PALS2: variants seen among roughly 807,000 people sequenced by gnomAD.
The protein encoded by PALS2 is protein PALS2.
A neutral mutation model predicts 61.6 loss-of-function variants in PALS2; 27 were observed. The observed-to-expected ratio is 0.44, with a 90% CI of 0.32 to 0.60. PALS2 has a LOEUF of 0.60. Among genes scored for constraint, PALS2 ranks in the 20% least tolerant of loss-of-function variants. The pLI, the probability that PALS2 is intolerant of heterozygous loss-of-function variation, is 0.05. For missense variants in PALS2, 554 were observed against 639.4 expected, an observed-to-expected ratio of 0.87 and a Z score of 1.44; for synonymous variants, 236 against 218.6, an observed-to-expected ratio of 1.08 and a Z score of -0.70.
chr7:24,602,633 C>G (rs1783760985), intron 1 of PALS2, among the ~76,000 whole-genome samples: 1 of 152,062 alleles, frequency 6.6e-6, no homozygotes, highest in Admixed American at 6.6e-5. Flanking sequence ...ATAATCCTGT[C>G]TTCTATATTA....
Position 24,623,712 on chromosome 7 carries a change from T to C in PALS2, c.45T>C (p.Thr15=), listed in dbSNP as rs1236131621. ...LENLTELPSS[T]GAEEIDLIFL... is the part of the protein sequence containing the mutation. ...ACCTTACGGAGCTGCCCTCGTCTAC[T>C]GGAGCAGAAGAAATAGACCTAATTT... The change falls in exon 2 of 12, where the codon ACT becomes ACC. Residue 15 remains threonine, a synonymous_variant. Transcript: ENST00000222644. The C allele has an allele frequency of 6.8e-6, 11 of 1,609,096 alleles. No homozygotes were observed. Among genetic ancestry groups the C allele is most frequent in the Non-Finnish European group, 7.6e-6 (9 of 1,178,074 alleles).
At chr7:24,602,415 A>T (rs1264304084) in intron 1 of PALS2, among the ~76,000 whole-genome samples, 1 of 152,114 alleles carries the variant, frequency 6.6e-6, no homozygotes, top group East Asian at 1.9e-4. Flanking sequence ...TGATGCTCTG[A>T]TTTCATGTTG....
intron 9 of PALS2, 127 bp downstream of exon 9, chr7:24,668,787 G>A (rs1211690631): frequency 7.2e-5 from 83 of 1,152,962 alleles, no homozygotes; most frequent in Non-Finnish European, 1.0e-4. Flanking sequence ...CAGTGAAAGT[G>A]AACAAGTAAA....
chr7:24,612,155 CT>C (rs1784138435), intron 1 of PALS2, among the ~76,000 whole-genome samples: 1 of 151,842 alleles, frequency 6.6e-6, no homozygotes, highest in African/African-American at 2.4e-5. Context: ...TGCCTTAATA[CT>C]TTGCTGCTGT....
At position 24,595,559 on chromosome 7, in the gene PALS2, C is replaced by CTATATATAAATATATATAAA. The variant is rs71554003; in HGVS notation, c.-3+21985_-3+22004dup. ...TATATAATATATAAATATATATTAA[C>CTATATATAAATATATATAAA]TATATATAAATATATATAAATATAT... is the stretch of plus-strand genomic sequence containing the variant. On this transcript the variant is annotated intron_variant, in intron 1 of 11. Transcript: ENST00000222644. Among the ~76,000 whole-genome samples, 3 of 116,472 alleles carry CTATATATAAATATATATAAA rather than the reference C, an allele frequency of 2.6e-5. No individual in the cohort carries two copies. In the South Asian group the frequency reaches 7.1e-4, roughly 28 times the overall value. The allele number at this position is 116,472 out of a possible 152,430, so 76.4% of individuals were successfully genotyped here. A position where few individuals can be genotyped will look rare whatever the true frequency, so the allele number is the denominator to read the frequency against.
chr7:24,619,398 A>T lies in PALS2; in HGVS notation c.-2-4268A>T, dbSNP rs996240545. Among the ~76,000 whole-genome samples, 36 of 152,268 alleles carry T rather than the reference A, an allele frequency of 2.4e-4. 1 individual carries two copies. Among genetic ancestry groups the T allele is most frequent in the African/African-American group, 8.7e-4 (36 of 41,556 alleles). On this transcript the variant is annotated intron_variant, in intron 1 of 11. Transcript: ENST00000222644. ...TAACTGAAGAGTCTAGATTAAATCT[A>T]TTAATTTTTCTCTAGCCCATGTAAG... is the stretch of plus-strand genomic sequence containing the variant.
chr7:24,575,654 A>G (rs80279245), intron 1 of PALS2, among the ~76,000 whole-genome samples: 8,568 of 152,296 alleles, frequency 0.056, 327 homozygotes, highest in African/African-American at 0.1. Context: ...TAAAACAGAT[A>G]TTTTAATTAA....
chr7:24,599,503 A>T, intron 1 of PALS2, among the ~76,000 whole-genome samples: 1 of 139,126 alleles, frequency 7.2e-6, no homozygotes. Context: ...ATCTTCTATA[A>T]GCTTTTTTTT....
At chr7:24,608,134 C>G (rs755712863) in intron 1 of PALS2, among the ~76,000 whole-genome samples, 1 of 151,984 alleles carries the variant, frequency 6.6e-6, no homozygotes, top group South Asian at 2.1e-4. Context: ...TTTTTTTACT[C>G]ACTGTTCATC....
Position 24,684,940 on chromosome 7 carries a change from AT to A in PALS2, c.1447-2488del, listed in dbSNP as rs575789240. Among the ~76,000 whole-genome samples the A allele has an allele frequency of 4.6e-4, 69 of 150,318 alleles. 1 individual carries two copies. Among genetic ancestry groups the A allele is most frequent in the South Asian group, 1.3e-3 (6 of 4,704 alleles). ...TTGTTCTTAGGATATATCCCACTAG[AT>A]TTTTTTTTTCCTTCAACTTTTGTTT... On this transcript the variant is annotated intron_variant, in intron 11 of 11. Transcript: ENST00000222644.
intron 1 of PALS2, among the ~76,000 whole-genome samples, chr7:24,611,781 A>T (rs1333257617): frequency 6.6e-6 from 1 of 151,882 alleles, no homozygotes; most frequent in Non-Finnish European, 1.5e-5. Flanking sequence ...AAGTGCAGGG[A>T]GGGTTTTGCA....
At chr7:24,606,879 C>A (rs912248165) in intron 1 of PALS2, among the ~76,000 whole-genome samples, 1 of 152,170 alleles carries the variant, frequency 6.6e-6, no homozygotes, top group African/African-American at 2.4e-5. Context: ...GGACCCAAGT[C>A]TAAACATAAA....
At chr7:24,584,690 T>G (rs547426175) in intron 1 of PALS2, among the ~76,000 whole-genome samples, 186 of 152,146 alleles carry the variant, frequency 1.2e-3, no homozygotes, top group African/African-American at 4.2e-3. Context: ...GTCAATTTTG[T>G]CTTTTGTTGC....
chr7:24,643,186 G>C (rs1785653210), intron 3 of PALS2, among the ~76,000 whole-genome samples: 1 of 152,110 alleles, frequency 6.6e-6, no homozygotes, highest in African/African-American at 2.4e-5. Flanking sequence ...ACATACTTAT[G>C]TTAAGGAAAC....
rs1432798472 is a variant in PALS2 at position 24,690,549 on chromosome 7, C to A, written c.*2935C>A. On this transcript the variant is annotated 3_prime_UTR_variant, in exon 12 of 12. Transcript: ENST00000222644. The stretch of plus-strand genomic sequence containing the variant: ...GGGCATGACTGTACACAACCTAAGA[C>A]TATATATATATTTTTTCATTTTCAA... 1 of 152,084 alleles carries A rather than the reference C, an allele frequency of 6.6e-6. No individual in the cohort carries two copies. Among genetic ancestry groups the A allele is most frequent in the Admixed American group, 6.6e-5 (1 of 15,258 alleles). 9.4% of individuals were successfully genotyped at this position (152,084 alleles called of 1,614,324 possible).
intron 3 of PALS2, 26 bp from the exon 4 acceptor site, chr7:24,649,585 AC>A: frequency 6.6e-7 from 1 of 1,509,332 alleles, no homozygotes; most frequent in Non-Finnish European, 8.8e-7. Flanking sequence ...ATCATAAATA[AC>A]CACAGGCTAT....
At chr7:24,623,429 G>A (rs1784606376) in intron 1 of PALS2, among the ~76,000 whole-genome samples, 1 of 151,960 alleles carries the variant, frequency 6.6e-6, no homozygotes, top group Non-Finnish European at 1.5e-5. Context: ...TATGTGTAAG[G>A]TAGTCTGATA....
intron 11 of PALS2, among the ~76,000 whole-genome samples, chr7:24,681,066 A>G (rs771398711): frequency 6.6e-6 from 1 of 152,210 alleles, no homozygotes. Flanking sequence ...AAATGGACCA[A>G]TATTAAAATA....
chr7:24,671,402 G>A (rs562177016), intron 9 of PALS2, among the ~76,000 whole-genome samples: 1 of 152,220 alleles, frequency 6.6e-6, no homozygotes, highest in East Asian at 1.9e-4. Flanking sequence ...TGTAAGAGGA[G>A]GTCATATTAT....
Sources: allele counts gnomAD v4.1 joint callset (sites outside exome capture counted in the v4.1 genomes callset), GRCh38; gene constraint gnomAD v4.1.1; transcripts MANE v1.5; gene names NCBI Gene and HGNC (gene_info 2026-07-23, HGNC 2026-07-21).